Variants in CATSPER1 observed in about 807,000 individuals in gnomAD.
CATSPER1 encodes the protein cation channel sperm-associated protein 1.
In CATSPER1, 57 loss-of-function variants were observed where a neutral mutation model predicts 72.7. The ratio of observed to expected loss-of-function variants is 0.78; its 90% CI spans 0.63 to 0.98. The LOEUF is 0.98. Ranked by LOEUF, CATSPER1 falls within the 50% of genes least tolerant of loss-of-function variation. The probability of loss-of-function intolerance (pLI) is 0.00; values close to 1 mark genes in which losing one functional copy is unlikely to be tolerated. For missense variants in CATSPER1, 910 were observed against 1,033.9 expected, an observed-to-expected ratio of 0.88 and a Z score of 1.64; for synonymous variants, 363 against 403.0, an observed-to-expected ratio of 0.90 and a Z score of 1.19.
chr11:66,025,411 G>C lies in CATSPER1; in HGVS notation c.969C>G (p.Ser323=). 1 of 1,613,996 alleles carries C rather than the reference G, an allele frequency of 6.2e-7. No individual in the cohort carries two copies. The highest frequency in any genetic ancestry group is 8.5e-7 in the Non-Finnish European group (1 of 1,180,002). The change falls in exon 1 of 12, where the codon TCC becomes TCG. Residue 323 remains serine (S), a synonymous_variant. Coordinates refer to ENST00000312106, the MANE Select transcript of CATSPER1 (RefSeq NM_053054.4). ...YLHGDYVQST[S]QLSIPHTSRS... ...GGGATGTGTGTGGGATAGAGAGTTGGGAAGTGCTCTGGACGTAGTCGCCAT... is the reference window on the plus strand; with the variant it reads ...GGGATGTGTGTGGGATAGAGAGTTGCGAAGTGCTCTGGACGTAGTCGCCAT...
Position 66,021,693 on chromosome 11 carries a change from C to T in CATSPER1, c.1544-50G>A. On this transcript the variant is annotated intron_variant, in intron 3 of 11. Coordinates refer to ENST00000312106, the MANE Select transcript of CATSPER1 (RefSeq NM_053054.4). ...TGGCGGGCTCCCAACGCCAGCGCCCCCTTCCCCATCCTTCTCTCGTCCCGA... is the reference window on the plus strand; with the variant it reads ...TGGCGGGCTCCCAACGCCAGCGCCCTCTTCCCCATCCTTCTCTCGTCCCGA... The T allele has an allele frequency of 1.9e-6, 3 of 1,611,442 alleles. No homozygotes were observed. The South Asian group carries it at 3.3e-5, about 18-fold the overall frequency.
rs17856965 is a variant in CATSPER1, at chr11:66,026,118, C to T, written c.262G>A (p.Gly88Ser). The T allele has an allele frequency of 2.2e-5, 36 of 1,607,972 alleles. No homozygotes were observed. The African/African-American group carries it at 3.2e-4, about 14-fold the overall frequency. The change falls in exon 1 of 12, where the codon GGC (glycine) becomes AGC (serine). Residue 88 changes from glycine (G) to serine (S), a missense_variant. Coordinates refer to ENST00000312106, the MANE Select transcript of CATSPER1 (RefSeq NM_053054.4). ...SHHHSEARNH[G>S]RAHGPTGFGL... The stretch of plus-strand genomic sequence containing the variant: ...AAGCCTGTGGGGCCATGGGCTCTGC[C>T]GTGATTCCGTGCCTCGCTGTGGTGG...
chr11:66,025,119 C>A, intron 1 of CATSPER1, 45 bp downstream of exon 1: 1 of 1,612,862 alleles, frequency 6.2e-7, no homozygotes, highest in Non-Finnish European at 8.5e-7. Context: ...CTGGATCCTG[C>A]GCCAGGCAGC....
intron 9 of CATSPER1, among the ~76,000 whole-genome samples, chr11:66,019,870 T>C (rs1349830300): frequency 7.6e-6 from 1 of 131,950 alleles, no homozygotes; most frequent in African/African-American, 2.9e-5. Flanking sequence ...TGAGCAGAGA[T>C]TGCAGCACCG....
rs375479637 is a variant in CATSPER1 at position 66,017,187 on chromosome 11, G to C, written c.2202-13C>G. ...GAGCTCCTGCTGCCTGCGGGTGGGC[G>C]GGGGGGTCGCAGAGACAGGGGCTGG... is the stretch of plus-strand genomic sequence containing the variant. On this transcript the variant is annotated splice_polypyrimidine_tract_variant and intron_variant, in intron 10 of 11. Coordinates refer to ENST00000312106, the MANE Select transcript of CATSPER1 (RefSeq NM_053054.4). 4 of 1,425,148 alleles carry C rather than the reference G, an allele frequency of 2.8e-6. No homozygotes were observed. The highest frequency in any genetic ancestry group is 2.4e-5 in the South Asian group (2 of 82,984). The allele number at this position is 1,425,148 out of a possible 1,614,324, so 88.3% of individuals were successfully genotyped here.
chr11:66,025,426 G>A lies in CATSPER1; in HGVS notation c.954C>T (p.Tyr318=), dbSNP rs200608739. 2.9e-5 allele frequency: 46 copies of A among 1,613,904 alleles called. No homozygotes were observed. In the East Asian group the frequency reaches 3.8e-4, roughly 13 times the overall value. ...TAGAGAGTTGGGAAGTGCTCTGGAC[G>A]TAGTCGCCATGGAGGTAACTGGAAT... is the stretch of plus-strand genomic sequence containing the variant. ...AYHSSYLHGD[Y]VQSTSQLSIP... is the part of the protein sequence containing the mutation. The change falls in exon 1 of 12, where the codon TAC becomes TAT. Residue 318 remains tyrosine (Y), a synonymous_variant. Coordinates refer to ENST00000312106, the MANE Select transcript of CATSPER1 (RefSeq NM_053054.4).
At chr11:66,018,269 G>A (rs995217357) in intron 10 of CATSPER1, among the ~76,000 whole-genome samples, 11 of 151,958 alleles carry the variant, frequency 7.2e-5, no homozygotes, top group Admixed American at 2.0e-4. Flanking sequence ...TACCAGGCTT[G>A]GGCAGGGCTC....
At chr11:66,018,101 G>A (rs956992840) in intron 10 of CATSPER1, among the ~76,000 whole-genome samples, 5 of 152,036 alleles carry the variant, frequency 3.3e-5, no homozygotes, top group East Asian at 1.9e-4. Flanking sequence ...CCAGCTACTC[G>A]GGAGGGTGAG....
chr11:66,022,791 G>A (rs1274671649), intron 2 of CATSPER1, 58 bp downstream of exon 2: 1 of 1,565,110 alleles, frequency 6.4e-7, no homozygotes, highest in Non-Finnish European at 8.8e-7. Context: ...CAGGCCCACG[G>A]AGGTCCTGGA....
rs767669045 is a variant in CATSPER1 at position 66,016,884 on chromosome 11, C to T, written c.*6G>A. ...GCTGAAGTCTGTATCTGGTGTCCTC[C>T]TGGGGTCAATTCCTGAAGTCCTCTT... On this transcript the variant is annotated 3_prime_UTR_variant, in exon 12 of 12. Coordinates refer to ENST00000312106, the MANE Select transcript of CATSPER1 (RefSeq NM_053054.4). The T allele has an allele frequency of 6.2e-7, 1 of 1,613,884 alleles. No individual in the cohort carries two copies. The highest frequency in any genetic ancestry group is 8.5e-7 in the Non-Finnish European group (1 of 1,179,916).
chr11:66,021,762 C>A lies in CATSPER1; in HGVS notation c.1543+4G>T, dbSNP rs1565071782. 6.2e-7 allele frequency: 1 copy of A among 1,613,882 alleles called. No individual in the cohort carries two copies. The highest frequency in any genetic ancestry group is 1.7e-5 in the Admixed American group (1 of 60,028). ...ACACGCAGCCTGGCCCCGGCCGCACCCACCCAAATTGTTCCAGAAGTCAAA... is the reference window on the plus strand; with the variant it reads ...ACACGCAGCCTGGCCCCGGCCGCACACACCCAAATTGTTCCAGAAGTCAAA... On this transcript the variant is annotated splice_donor_region_variant and intron_variant, in intron 3 of 11. Coordinates refer to ENST00000312106, the MANE Select transcript of CATSPER1 (RefSeq NM_053054.4).
At chr11:66,017,267 G>C (rs1043861460) in intron 10 of CATSPER1, 93 bp from the exon 11 acceptor site, 3 of 833,004 alleles carry the variant, frequency 3.6e-6, no homozygotes, top group Non-Finnish European at 5.8e-6. Context: ...GGCTCTTCTT[G>C]CCTGCCTCCT....
rs1856369003 is a variant in CATSPER1, at chr11:66,021,510, G to A, written c.1677C>T (p.Val559=). The part of the protein sequence containing the change: ...KSLRALRAIR[V]LRRLSFLTSV... ...TGGCCACTGACCTGAGCCTCCGCAG[G>A]ACCCGGATTGCCCTCAGGGCCCGCA... Residue 559 remains valine, a synonymous_variant, in exon 4 of 12, where the codon GTC becomes GTT. Transcript: ENST00000312106. 4.3e-6 allele frequency: 7 copies of A among 1,613,432 alleles called. No homozygotes were observed. In the East Asian group the frequency reaches 1.6e-4, roughly 36 times the overall value.
chr11:66,021,677 C>T, intron 3 of CATSPER1, 34 bp from the exon 4 acceptor site: 17 of 1,608,380 alleles, frequency 1.1e-5, no homozygotes, highest in Non-Finnish European at 1.4e-5. Flanking sequence ...CTGGCGGGCT[C>T]CCAACGCCAG....
In CATSPER1 at chr11:66,020,804, G is replaced by T; in HGVS notation, c.1927+7C>A. The T allele has an allele frequency of 1.2e-6, 2 of 1,613,714 alleles. No individual in the cohort carries two copies. Among genetic ancestry groups the T allele is most frequent in the South Asian group, 2.2e-5 (2 of 91,074 alleles). ...CGGCCCTCCCTGCAGCCTGGGGCCT[G>T]CCCTACCCTGGGCACGGCTGTCCAT... On this transcript the variant is annotated splice_region_variant and intron_variant, in intron 6 of 11. Transcript: ENST00000312106. This position sits in a 1 kb window ranked among gnomAD's most constrained non-coding sequence, Gnocchi z 4.5.
Position 66,025,872 on chromosome 11 carries a change from C to G in CATSPER1, c.508G>C (p.Gly170Arg). 6.2e-7 allele frequency: 1 copy of G among 1,613,178 alleles called. No individual in the cohort carries two copies. Among genetic ancestry groups the G allele is most frequent in the Non-Finnish European group, 8.5e-7 (1 of 1,179,812 alleles). The change falls in exon 1 of 12, where the codon GGT becomes CGT. Residue 170 changes from glycine to arginine, a missense_variant. By Grantham distance (125) the Gly-to-Arg change is moderately radical. Transcript: ENST00000312106. ...GACCCACCATGGTGGGAAGCCTCAC[C>G]GTGGTGGGGCACGCCAGAGGAATAG... The part of the protein sequence containing the change: ...SHYSSGVPHH[G>R]EASHHGGSYL...
intron 9 of CATSPER1, among the ~76,000 whole-genome samples, chr11:66,019,389 G>A (rs1484587962): frequency 4.0e-5 from 6 of 151,590 alleles, no homozygotes; most frequent in African/African-American, 9.7e-5. Context: ...TGATTCTCCC[G>A]CCTCAACCTC....
In CATSPER1 at chr11:66,020,524, G is replaced by A. The variant is rs373752831; in HGVS notation, c.1991+40C>T. The A allele has an allele frequency of 9.6e-5, 153 of 1,600,466 alleles. No individual in the cohort carries two copies. In the African/African-American group the frequency reaches 1.7e-3, roughly 18 times the overall value. On this transcript the variant is annotated intron_variant, in intron 7 of 11. Coordinates refer to ENST00000312106, the MANE Select transcript of CATSPER1 (RefSeq NM_053054.4). This position sits in a 1 kb window ranked among gnomAD's most constrained non-coding sequence, Gnocchi z 4.5. ...AGGGTCCCAGGGGAGAGGAGGAAGT[G>A]TGGGTGGTGCTGGGCAGCAGAGCAG...
intron 10 of CATSPER1, among the ~76,000 whole-genome samples, chr11:66,018,387 AG>A (rs1240039669): frequency 2.0e-5 from 3 of 152,124 alleles, no homozygotes; most frequent in African/African-American, 7.2e-5. Flanking sequence ...ATGGAGGTTG[AG>A]CATCGGACCT....
Sources: allele counts gnomAD v4.1 joint callset (sites outside exome capture counted in the v4.1 genomes callset), GRCh38; gene constraint gnomAD v4.1.1; non-coding constraint Gnocchi (gnomAD v3.1); transcripts MANE v1.5; gene names NCBI Gene and HGNC (gene_info 2026-07-23, HGNC 2026-07-21).